Variants in FSTL4 observed in about 807,000 individuals in gnomAD.
The protein encoded by FSTL4 is follistatin-related protein 4.
A neutral mutation model predicts 78.2 loss-of-function variants in FSTL4; 28 were observed. The ratio of observed to expected loss-of-function variants is 0.36; its 90% CI spans 0.27 to 0.49. The LOEUF (loss-of-function observed/expected upper bound fraction) is 0.49, where lower values mean the gene tolerates loss of function less well. Ranked by LOEUF, FSTL4 falls within the 20% of genes least tolerant of loss-of-function variation. The probability of loss-of-function intolerance (pLI) is 0.98; values close to 1 mark genes in which losing one functional copy is unlikely to be tolerated. For missense variants in FSTL4, 922 were observed against 1,084.9 expected (o/e 0.85, Z 2.11); for synonymous variants, 422 against 440.5 (o/e 0.96, Z 0.53).
intron 3 of FSTL4, among the ~76,000 whole-genome samples, chr5:133,496,835 C>T (rs550225388): frequency 5.9e-5 from 9 of 152,254 alleles, no homozygotes; most frequent in African/African-American, 9.6e-5. Flanking sequence ...GCCACTGTCC[C>T]GCCCTCTCCC....
chr5:133,798,696 A>G, the FSTL4 span, among the ~76,000 whole-genome samples: 2 of 151,976 alleles, frequency 1.3e-5, no homozygotes, highest in African/African-American at 4.8e-5. Flanking sequence ...ATAACCGAGA[A>G]CATCAAGGGA....
At chr5:133,773,583 G>T in the FSTL4 span, among the ~76,000 whole-genome samples, 79 of 152,296 alleles carry the variant, frequency 5.2e-4, no homozygotes, top group African/African-American at 1.9e-3. Context: ...TCTCCCTTGC[G>T]TACAGCTTTC....
At chr5:133,741,660 C>G in the FSTL4 span, among the ~76,000 whole-genome samples, 1 of 152,192 alleles carries the variant, frequency 6.6e-6, no homozygotes, top group African/African-American at 2.4e-5. Flanking sequence ...GGCCTCTCTG[C>G]CCAAGTGGGA....
the FSTL4 span, among the ~76,000 whole-genome samples, chr5:133,761,889 CA>C: frequency 6.6e-6 from 1 of 152,116 alleles, no homozygotes; most frequent in African/African-American, 2.4e-5. Context: ...TCGACACACA[CA>C]ATCATTTTAC....
At chr5:133,732,836 G>T in the FSTL4 span, among the ~76,000 whole-genome samples, 1 of 152,198 alleles carries the variant, frequency 6.6e-6, no homozygotes, top group African/African-American at 2.4e-5. Flanking sequence ...TGATGAAGGG[G>T]CCACCTGAGG....
the FSTL4 span, among the ~76,000 whole-genome samples, chr5:133,644,359 C>T: frequency 1.2e-3 from 182 of 152,088 alleles, 1 homozygote; most frequent in Middle Eastern, 3.4e-3. Context: ...GGAACTGAAC[C>T]GTGAAACCCA....
At chr5:133,217,825 G>A (rs751179047) in intron 12 of FSTL4, among the ~76,000 whole-genome samples, 19 of 152,032 alleles carry the variant, frequency 1.2e-4, no homozygotes, top group Non-Finnish European at 2.4e-4. Flanking sequence ...TTAAACCTGT[G>A]TTGACTCCCT....
chr5:133,763,140 T>A, the FSTL4 span, among the ~76,000 whole-genome samples: 1 of 152,236 alleles, frequency 6.6e-6, no homozygotes, highest in African/African-American at 2.4e-5. Context: ...GGACTGTGAA[T>A]CCTGAAATCA....
intron 6 of FSTL4, among the ~76,000 whole-genome samples, chr5:133,294,355 T>A (rs1301632114): frequency 6.6e-6 from 1 of 152,152 alleles, no homozygotes; most frequent in East Asian, 1.9e-4. Flanking sequence ...ACGTGCAACT[T>A]TTTGATGCCT....
intron 3 of FSTL4, among the ~76,000 whole-genome samples, chr5:133,524,511 C>G (rs538620721): frequency 6.6e-6 from 1 of 152,264 alleles, no homozygotes; most frequent in African/African-American, 2.4e-5. Flanking sequence ...TTGCCTCATT[C>G]AAGATGCTGT....
chr5:133,278,621 G>C (rs1312580336), intron 6 of FSTL4, among the ~76,000 whole-genome samples: 1 of 152,190 alleles, frequency 6.6e-6, no homozygotes, highest in Non-Finnish European at 1.5e-5. Context: ...AGGTGAGGTG[G>C]CATCAGGAAA....
chr5:133,653,459 G>A, the FSTL4 span, among the ~76,000 whole-genome samples: 10 of 152,198 alleles, frequency 6.6e-5, no homozygotes, highest in South Asian at 1.7e-3. Flanking sequence ...TATCTCCCTC[G>A]GGACTGCATC....
chr5:133,464,456 ATCTC>A (rs771270756), intron 3 of FSTL4, among the ~76,000 whole-genome samples: 1 of 152,126 alleles, frequency 6.6e-6, no homozygotes, highest in Non-Finnish European at 1.5e-5. Flanking sequence ...TTCAAGGGAT[ATCTC>A]TCTCTCTCTT....
intron 7 of FSTL4, among the ~76,000 whole-genome samples, chr5:133,240,326 G>A (rs1348253577): frequency 6.6e-6 from 1 of 152,224 alleles, no homozygotes; most frequent in Non-Finnish European, 1.5e-5. Context: ...ATCCTGCAAA[G>A]ACCTGAGGAA....
intron 3 of FSTL4, among the ~76,000 whole-genome samples, chr5:133,558,631 G>GA (rs992983363): frequency 2.0e-5 from 3 of 146,958 alleles, no homozygotes; most frequent in Non-Finnish European, 4.5e-5. Flanking sequence ...AAAGGTTTTT[G>GA]TTTTTTTTTT....
chr5:133,771,581 T>C, the FSTL4 span, among the ~76,000 whole-genome samples: 1 of 152,218 alleles, frequency 6.6e-6, no homozygotes, highest in Non-Finnish European at 1.5e-5. Context: ...CATTAATTTT[T>C]TTGTATCCTG....
At chr5:133,545,112 C>T (rs952787809) in intron 3 of FSTL4, among the ~76,000 whole-genome samples, 14 of 152,152 alleles carry the variant, frequency 9.2e-5, no homozygotes, top group African/African-American at 2.9e-4. Context: ...TGGCTCAGGA[C>T]AGGGGCTGGT....
rs775676259 is a variant in FSTL4 at position 133,361,255 on chromosome 5, G to A, written c.409+39483C>T. 5.9e-5 allele frequency among the ~76,000 whole-genome samples: 9 copies of A among 152,146 alleles called. No individual in the cohort carries two copies. Among genetic ancestry groups the A allele is most frequent in the Non-Finnish European group, 1.2e-4 (8 of 68,030 alleles). The stretch of plus-strand genomic sequence containing the variant: ...TCTTTCCAGAGCTTTCTAATGACTT[G>A]GTATTGTCTCTGGATGAAAACCATC... On this transcript the variant is annotated intron_variant, in intron 4 of 15. Coordinates refer to ENST00000265342, the MANE Select transcript of FSTL4 (RefSeq NM_015082.2). This position sits in a 1 kb window ranked among gnomAD's most constrained non-coding sequence, Gnocchi z 4.3.
At chr5:133,431,746 T>C (rs1756944158) in intron 3 of FSTL4, among the ~76,000 whole-genome samples, 1 of 152,228 alleles carries the variant, frequency 6.6e-6, no homozygotes, top group Non-Finnish European at 1.5e-5. Flanking sequence ...TGTTTTAAGC[T>C]GCTAGGGTTT....
Sources: gnomAD v4.1 joint callset for allele counts (sites outside exome capture counted in the v4.1 genomes callset) on GRCh38, gnomAD v4.1.1 for gene constraint, Gnocchi (gnomAD v3.1) non-coding constraint, MANE v1.5 for transcripts, NCBI Gene and HGNC (gene_info 2026-07-23, HGNC 2026-07-21) for gene names.